SPIRE1: variants seen among roughly 807,000 people sequenced by gnomAD.
SPIRE1 encodes the protein protein spire homolog 1.
In SPIRE1, 40 loss-of-function variants were observed where a neutral mutation model predicts 94.1. That is an observed-to-expected ratio of 0.43 (90% CI 0.33 to 0.55). The LOEUF (loss-of-function observed/expected upper bound fraction) is 0.55, where lower values mean the gene tolerates loss of function less well. Among genes scored for constraint, SPIRE1 ranks in the 20% least tolerant of loss-of-function variants. The pLI, the probability that SPIRE1 is intolerant of heterozygous loss-of-function variation, is 0.06. For missense variants in SPIRE1, 838 were observed against 975.2 expected (o/e 0.86, Z 1.87); for synonymous variants, 376 against 371.7 (o/e 1.01, Z -0.13).
intron 2 of SPIRE1, among the ~76,000 whole-genome samples, chr18:12,633,324 G>A (rs148255640): frequency 2.0e-5 from 3 of 152,190 alleles, no homozygotes; most frequent in East Asian, 3.9e-4. Flanking sequence ...AAAATGGGCC[G>A]GGCACAGTGG....
At chr18:12,549,064 G>GC (rs1449133256) in intron 2 of SPIRE1, among the ~76,000 whole-genome samples, 4 of 152,114 alleles carry the variant, frequency 2.6e-5, no homozygotes, top group African/African-American at 9.7e-5. Flanking sequence ...TGCTTCCCTG[G>GC]CACAGGGTAC....
intron 2 of SPIRE1, among the ~76,000 whole-genome samples, chr18:12,570,697 A>C (rs187367302): frequency 2.6e-5 from 4 of 152,326 alleles, no homozygotes; most frequent in African/African-American, 9.6e-5. Context: ...ATGGAATTCC[A>C]TATCCATAAT....
intron 10 of SPIRE1, among the ~76,000 whole-genome samples, chr18:12,479,444 G>A (rs193135673): frequency 2.2e-4 from 33 of 152,108 alleles, no homozygotes; most frequent in African/African-American, 7.7e-4. Context: ...AAAGTGCTGG[G>A]ATTATAGACG....
intron 8 of SPIRE1, among the ~76,000 whole-genome samples, chr18:12,492,828 A>G (rs1486411525): frequency 6.6e-6 from 1 of 152,166 alleles, no homozygotes; most frequent in African/African-American, 2.4e-5. Flanking sequence ...ATGTTCTCAT[A>G]TAGTTCAGTA....
chr18:12,502,061 T>C (rs535170170), intron 6 of SPIRE1, among the ~76,000 whole-genome samples: 7 of 152,296 alleles, frequency 4.6e-5, no homozygotes, highest in East Asian at 1.9e-4. Context: ...TGTCATTCTA[T>C]CACACACCAT....
rs141104917 is a variant in SPIRE1, at chr18:12,553,711, A to AAAAC, written c.373-6811_373-6808dup. Among the ~76,000 whole-genome samples the AAAAC allele has an allele frequency of 9.3e-3, 1,411 of 152,240 alleles. 27 individuals carry two copies. The highest frequency in any genetic ancestry group is 0.033 in the African/African-American group (1,363 of 41,514). Reference sequence around the variant, plus strand: ...CAAGGGCCTGGCTGGCACCTACATTAAAACAAACAAACAAACAAAACAAAC... The same window carrying AAAAC: ...CAAGGGCCTGGCTGGCACCTACATTAAAACAAACAAACAAACAAACAAAACAAAC... On this transcript the variant is annotated intron_variant, in intron 2 of 16. Transcript: ENST00000409402.
intron 2 of SPIRE1, among the ~76,000 whole-genome samples, chr18:12,567,870 T>C (rs1197477965): frequency 6.6e-6 from 1 of 152,234 alleles, no homozygotes; most frequent in African/African-American, 2.4e-5. Context: ...AGTAAGAATT[T>C]ACTACGTTTC....
At chr18:12,639,083 A>G (rs2038015272) in intron 1 of SPIRE1, among the ~76,000 whole-genome samples, 1 of 152,046 alleles carries the variant, frequency 6.6e-6, no homozygotes, top group Admixed American at 6.5e-5. Flanking sequence ...GCTAACTACC[A>G]TTTCTACTGT....
rs749031123 is a variant in SPIRE1, at chr18:12,464,860, C to T, written c.1495+8G>A. 2.5e-6 allele frequency: 4 copies of T among 1,609,688 alleles called. No individual in the cohort carries two copies. Among genetic ancestry groups the T allele is most frequent in the Non-Finnish European group, 3.4e-6 (4 of 1,176,190 alleles). On this transcript the variant is annotated splice_region_variant and intron_variant, in intron 11 of 16. Coordinates refer to ENST00000409402, the MANE Select transcript of SPIRE1 (RefSeq NM_001128626.2). ...CCGACTACAGCTCTTAGCACCACAA[C>T]TACTCACTCTTCCTTGTGGACACGG...
At position 12,447,677 on chromosome 18, in the gene SPIRE1, T is replaced by C. The variant is rs538470909; in HGVS notation, c.*1961A>G. The C allele has an allele frequency of 2.0e-5, 3 of 152,288 alleles. No homozygotes were observed. Among genetic ancestry groups the C allele is most frequent in the Non-Finnish European group, 2.9e-5 (2 of 68,024 alleles). The allele number at this position is 152,288 out of a possible 1,614,324, so 9.4% of individuals were successfully genotyped here. A position where few individuals can be genotyped will look rare whatever the true frequency, so the allele number is the denominator to read the frequency against. ...AATGCCCAAATCATCCAATACACTA[T>C]CATAAAGTGAAGTGAAAGACATGTA... On this transcript the variant is annotated 3_prime_UTR_variant, in exon 17 of 17. Transcript: ENST00000409402.
At chr18:12,611,631 A>T (rs1349085850) in intron 2 of SPIRE1, among the ~76,000 whole-genome samples, 1 of 152,140 alleles carries the variant, frequency 6.6e-6, no homozygotes, top group Non-Finnish European at 1.5e-5. Flanking sequence ...TGAAATAGTA[A>T]ATCTTTGTTG....
intron 12 of SPIRE1, among the ~76,000 whole-genome samples, chr18:12,457,513 TTGAG>T (rs1194239457): frequency 1.2e-4 from 19 of 152,216 alleles, no homozygotes. Flanking sequence ...TTCGGCCCGT[TTGAG>T]TGGCCAGATG....
At chr18:12,608,215 C>A (rs867831617) in intron 2 of SPIRE1, among the ~76,000 whole-genome samples, 1 of 151,270 alleles carries the variant, frequency 6.6e-6, no homozygotes, top group Non-Finnish European at 1.5e-5. Context: ...CTATGTACCC[C>A]AAAAATTTTT....
At chr18:12,626,836 A>G (rs534298239) in intron 2 of SPIRE1, among the ~76,000 whole-genome samples, 2 of 149,608 alleles carry the variant, frequency 1.3e-5, no homozygotes, top group South Asian at 2.1e-4. Flanking sequence ...ATTAATGTCT[A>G]TAACAGTACT....
intron 3 of SPIRE1, among the ~76,000 whole-genome samples, chr18:12,540,525 A>C (rs2034985002): frequency 6.6e-6 from 1 of 151,906 alleles, no homozygotes; most frequent in African/African-American, 2.4e-5. Flanking sequence ...ACAGGCTTGC[A>C]CCACTATGCC....
chr18:12,540,975 C>T (rs374024553), intron 3 of SPIRE1, among the ~76,000 whole-genome samples: 4 of 152,218 alleles, frequency 2.6e-5, no homozygotes, highest in African/African-American at 9.6e-5. Context: ...ATCTACCTGC[C>T]TTGGCCTCCC....
chr18:12,489,605 G>A (rs544456985), intron 8 of SPIRE1, among the ~76,000 whole-genome samples: 6 of 152,258 alleles, frequency 3.9e-5, no homozygotes, highest in Non-Finnish European at 7.4e-5. Flanking sequence ...TACAAGAATA[G>A]TAATTTCAGA....
At chr18:12,656,084 A>T (rs2038530640) in intron 1 of SPIRE1, among the ~76,000 whole-genome samples, 1 of 152,134 alleles carries the variant, frequency 6.6e-6, no homozygotes, top group Non-Finnish European at 1.5e-5. Context: ...TTTTTAATAG[A>T]GACGGGGTTT....
chr18:12,629,465 G>A (rs576719910), intron 2 of SPIRE1, among the ~76,000 whole-genome samples: 2 of 152,286 alleles, frequency 1.3e-5, no homozygotes, highest in African/African-American at 2.4e-5. Flanking sequence ...AAGCGCCTAC[G>A]AGTACAGGTT....
Sources: gnomAD v4.1 joint callset for allele counts (sites outside exome capture counted in the v4.1 genomes callset) on GRCh38, gnomAD v4.1.1 for gene constraint, MANE v1.5 for transcripts, NCBI Gene and HGNC (gene_info 2026-07-23, HGNC 2026-07-21) for gene names.